The following ABCA13 variants were observed in gnomAD, a reference collection of about 807,000 sequenced individuals.
ABCA13 encodes the protein ATP binding cassette subfamily A member 13, also known as ATP-binding cassette sub-family A member 13.
In ABCA13, 476 loss-of-function variants were observed where a neutral mutation model predicts 478.7. That is an observed-to-expected ratio of 0.99 (90% CI 0.92 to 1.07). The LOEUF (loss-of-function observed/expected upper bound fraction) is 1.07. Among genes scored for constraint, ABCA13 ranks in the 50% least tolerant of loss-of-function variants. The pLI is 0.00. For missense variants in ABCA13, 6,060 were observed against 5,910.6 expected (o/e 1.03, Z -0.83); for synonymous variants, 2,252 against 2,158.9 (o/e 1.04, Z -1.20).
chr7:48,630,081 C>CT (rs1794041852), intron 59 of ABCA13, among the ~76,000 whole-genome samples: 1 of 151,946 alleles, frequency 6.6e-6, no homozygotes, highest in African/African-American at 2.4e-5. Flanking sequence ...TTTTGAAAAT[C>CT]TTTTTTGTTT....
intron 5 of ABCA13, among the ~76,000 whole-genome samples, chr7:48,226,790 T>C (rs1467091262): frequency 6.6e-6 from 1 of 152,198 alleles, no homozygotes; most frequent in Non-Finnish European, 1.5e-5. Flanking sequence ...AAAGGCTCTA[T>C]ACTATGGGCC....
chr7:48,230,068 A>G, intron 7 of ABCA13, 113 bp downstream of exon 7: 1 of 1,297,636 alleles, frequency 7.7e-7, no homozygotes, highest in Non-Finnish European at 1.0e-6. Context: ...AAAATTTCAA[A>G]TTCAAAAAAG....
intron 3 of ABCA13, among the ~76,000 whole-genome samples, chr7:48,212,656 T>C (rs1785847743): frequency 6.6e-6 from 1 of 152,232 alleles, no homozygotes; most frequent in Non-Finnish European, 1.5e-5. Flanking sequence ...TTTCTAATTG[T>C]AGTTTTAATT....
intron 48 of ABCA13, among the ~76,000 whole-genome samples, chr7:48,494,615 C>T (rs1396489394): frequency 3.9e-5 from 6 of 151,978 alleles, no homozygotes. Context: ...GACTGATCCC[C>T]CAACCACAGA....
chr7:48,304,450 A>T (rs1183469580), intron 23 of ABCA13, among the ~76,000 whole-genome samples: 1 of 152,196 alleles, frequency 6.6e-6, no homozygotes, highest in Non-Finnish European at 1.5e-5. Flanking sequence ...ACAGTGTATA[A>T]ATGTTCCCTT....
intron 16 of ABCA13, among the ~76,000 whole-genome samples, chr7:48,269,412 C>T (rs955171658): frequency 1.3e-5 from 2 of 152,190 alleles, no homozygotes; most frequent in Non-Finnish European, 2.9e-5. Flanking sequence ...ATTGTCTTAG[C>T]TAGTTACCTA....
intron 55 of ABCA13, among the ~76,000 whole-genome samples, chr7:48,547,690 GT>G (rs1245885041): frequency 1.3e-5 from 2 of 151,944 alleles, no homozygotes; most frequent in Admixed American, 1.3e-4. Flanking sequence ...CATACTTTGG[GT>G]ACCCATACAA....
intron 27 of ABCA13, among the ~76,000 whole-genome samples, chr7:48,331,120 A>G (rs1805332512): frequency 6.6e-6 from 1 of 152,238 alleles, no homozygotes; most frequent in Non-Finnish European, 1.5e-5. Flanking sequence ...ATACAACAGA[A>G]CAAATAAACC....
intron 10 of ABCA13, among the ~76,000 whole-genome samples, chr7:48,244,024 C>T (rs535080383): frequency 1.5e-3 from 234 of 152,314 alleles, no homozygotes; most frequent in Non-Finnish European, 2.7e-3. Flanking sequence ...TTCTTTCCAG[C>T]TTCTCTTCTC....
In ABCA13 at chr7:48,272,504, T is replaced by A. The variant is rs778276027; in HGVS notation, c.2838T>A (p.Thr946=). ...PQKQEVDKIL[T]HIHLNVFQDK... is the part of the protein sequence containing the mutation. ...AACAAGAAGTTGATAAAATTTTGAC[T>A]CACATACACCTAAATGTCTTCCAGG... The change falls in exon 17 of 62, where the codon ACT becomes ACA. Residue 946 remains threonine (T), a synonymous_variant. Coordinates refer to ENST00000435803, the MANE Select transcript of ABCA13 (RefSeq NM_152701.5). The A allele has an allele frequency of 1.3e-5, 21 of 1,613,682 alleles. No homozygotes were observed. Among genetic ancestry groups the A allele is most frequent in the Non-Finnish European group, 1.7e-5 (20 of 1,179,770 alleles).
At chr7:48,233,966 A>AT in intron 7 of ABCA13, 52 bp from the exon 8 acceptor site, 1 of 1,601,098 alleles carries the variant, frequency 6.2e-7, no homozygotes, top group East Asian at 2.2e-5. Context: ...TACATTAAAC[A>AT]TATCAAAATA....
chr7:48,479,173 A>G (rs1322969343), intron 45 of ABCA13, among the ~76,000 whole-genome samples: 2 of 151,102 alleles, frequency 1.3e-5, no homozygotes, highest in East Asian at 2.0e-4. Context: ...GATGGTCTCG[A>G]TCTCCTGACC....
Position 48,275,756 on chromosome 7 carries a change from G to T in ABCA13, c.6090G>T (p.Gln2030His). Residue 2030 changes from glutamine (Q) to histidine (H), a missense_variant, in exon 17 of 62, where the codon CAG (glutamine) becomes CAT (histidine). Transcript: ENST00000435803. ...TACTCTCTTTATTCATGATGCTCCAGAATGCAAATGTCACAGGTAGCAGTT... is the reference window on the plus strand; with the variant it reads ...TACTCTCTTTATTCATGATGCTCCATAATGCAAATGTCACAGGTAGCAGTT... ...HNLLSLFMML[Q>H]NANVTGSSLE... The T allele has an allele frequency of 1.9e-6, 3 of 1,610,054 alleles. No homozygotes were observed. Among genetic ancestry groups the T allele is most frequent in the South Asian group, 1.1e-5 (1 of 90,522 alleles).
At chr7:48,247,567 G>A (rs559162751) in intron 13 of ABCA13, among the ~76,000 whole-genome samples, 10 of 152,174 alleles carry the variant, frequency 6.6e-5, no homozygotes, top group African/African-American at 1.4e-4. Context: ...ACCAGTCTCC[G>A]TGGGGTGGTT....
chr7:48,273,482 C>A lies in ABCA13; in HGVS notation c.3816C>A (p.Phe1272Leu), dbSNP rs764112361. Residue 1272 changes from phenylalanine to leucine, a missense_variant, in exon 17 of 62, where the codon TTC becomes TTA. Physicochemically the swap from Phe to Leu is conservative, Grantham distance 22 (BLOSUM62 0). This residue lies in a region of ABCA13 where 4,423 missense variants were observed against 4,309.1 expected (regional missense o/e 1.03). Transcript: ENST00000435803. ...AALHQLKTFP[F>L]NESTSREFLN... ...TGCATCAGTTGAAGACATTTCCATT[C>A]AACGAAAGTACAAGCAGAGAGTTTT... 6.2e-7 allele frequency: 1 copy of A among 1,606,424 alleles called. No homozygotes were observed. The highest frequency in any genetic ancestry group is 1.1e-5 in the South Asian group (1 of 90,072).
rs369906254 is a variant in ABCA13 at position 48,234,067 on chromosome 7, A to T, written c.813A>T (p.Lys271Asn). Residue 271 changes from lysine to asparagine, a missense_variant, in exon 8 of 62, where the codon AAA (lysine) becomes AAT (asparagine). Physicochemically the swap from Lys to Asn is moderately conservative, Grantham distance 94 (BLOSUM62 0). Transcript: ENST00000435803. Reference sequence around the variant, plus strand: ...AGAATATAGTGTGGGATCCACAGAAAGTCCAGTATGATCTCAAATCCCAGT... The same window carrying T: ...AGAATATAGTGTGGGATCCACAGAATGTCCAGTATGATCTCAAATCCCAGT... ...SMQNIVWDPQ[K>N]VQYDLKSQFG... 3 of 1,613,936 alleles carry T rather than the reference A, an allele frequency of 1.9e-6. No homozygotes were observed. In the African/African-American group the frequency reaches 4.0e-5, roughly 22 times the overall value.
intron 15 of ABCA13, among the ~76,000 whole-genome samples, chr7:48,268,001 A>T (rs1795084252): frequency 6.6e-6 from 1 of 152,154 alleles, no homozygotes; most frequent in Non-Finnish European, 1.5e-5. Context: ...GCTCAGTTTG[A>T]TGATAAATAC....
Position 48,580,283 on chromosome 7 carries a change from A to T in ABCA13, c.14414A>T (p.Gln4805Leu). The change falls in exon 56 of 62, where the codon CAG becomes CTG. Residue 4805 changes from glutamine to leucine, a missense_variant. Physicochemically the swap from Gln to Leu is moderately radical, Grantham distance 113 (BLOSUM62 -2). Coordinates refer to ENST00000435803, the MANE Select transcript of ABCA13 (RefSeq NM_152701.5). ...TAGVLIGYCP[Q>L]QDALDELLTG... The stretch of plus-strand genomic sequence containing the variant: ...GGCGTGCTCATTGGCTACTGTCCCC[A>T]GCAGGATGCCCTGGACGAGCTTCTG... The T allele has an allele frequency of 6.2e-7, 1 of 1,612,126 alleles. No homozygotes were observed. The highest frequency in any genetic ancestry group is 8.5e-7 in the Non-Finnish European group (1 of 1,179,208).
intron 31 of ABCA13, among the ~76,000 whole-genome samples, chr7:48,353,367 C>T (rs1371908961): frequency 1.3e-5 from 2 of 151,580 alleles, no homozygotes. Context: ...GGCTCTGATG[C>T]AGGGCCTCAG....
Sources: gnomAD v4.1 joint callset for allele counts (sites outside exome capture counted in the v4.1 genomes callset) on GRCh38, gnomAD v4.1.1 for gene constraint, gnomAD v4.1.1 regional missense constraint, MANE v1.5 for transcripts, NCBI Gene and HGNC (gene_info 2026-07-23, HGNC 2026-07-21) for gene names.